The following DNMT3B variants were observed in gnomAD, a reference collection of about 807,000 sequenced individuals.
The protein encoded by DNMT3B is DNA (cytosine-5)-methyltransferase 3B.
DNMT3B carries 37 observed loss-of-function variants against 120.2 expected under a neutral mutation model. The ratio of observed to expected loss-of-function variants is 0.31; its 90% CI spans 0.24 to 0.40. The LOEUF is 0.40. Ranked by LOEUF, DNMT3B falls within the 10% of genes least tolerant of loss-of-function variation. The pLI is 1.00. For synonymous variants in DNMT3B, 412 were observed against 442.8 expected (o/e 0.93, Z 0.87); for missense variants, 878 against 1,137.3 (o/e 0.77, Z 3.28).
intron 1 of DNMT3B, chr20:32,779,967 GCAGACGGGCCGGGA>G: frequency 1.9e-6 from 2 of 1,035,290 alleles, no homozygotes; most frequent in Non-Finnish European, 2.9e-6. Flanking sequence ...GAGGCTGGCG[GCAGACGGGCCGGGA>G]CAGGCAGGTC....
At position 32,799,346 on chromosome 20, in the gene DNMT3B, C is replaced by T. The variant is rs1276752901; in HGVS notation, c.1759+18C>T. 2.5e-6 allele frequency: 4 copies of T among 1,607,848 alleles called. No homozygotes were observed. The highest frequency in any genetic ancestry group is 2.5e-6 in the Non-Finnish European group (3 of 1,177,308). ...CGCGACAGGTGAGTTCGGGGAACACCTGGAGACACTGCTATCGTGTCACAA... is the reference window on the plus strand; with the variant it reads ...CGCGACAGGTGAGTTCGGGGAACACTTGGAGACACTGCTATCGTGTCACAA... On this transcript the variant is annotated intron_variant, in intron 16 of 22. Transcript: ENST00000328111.
intron 1 of DNMT3B, among the ~76,000 whole-genome samples, chr20:32,770,997 G>A (rs1394274784): frequency 6.6e-6 from 1 of 151,936 alleles, no homozygotes; most frequent in Non-Finnish European, 1.5e-5. Context: ...CTCCTGCCTA[G>A]GCCTCCCACA....
rs1181649228 is a variant in DNMT3B at position 32,797,367 on chromosome 20, A to G, written c.1490+68A>G. 7 of 1,473,784 alleles carry G rather than the reference A, an allele frequency of 4.7e-6. No individual in the cohort carries two copies. In the Admixed American group the frequency reaches 1.0e-4, roughly 22 times the overall value. The allele number at this position is 1,473,784 out of a possible 1,614,324, so 91.3% of individuals were successfully genotyped here. ...AGGCTCCTACGTTCCTGCAGTCTGC[A>G]GACAGCTGTCTGTTGAATGGAATCC... On this transcript the variant is annotated intron_variant, in intron 14 of 22. Coordinates refer to ENST00000328111, the MANE Select transcript of DNMT3B (RefSeq NM_006892.4).
At chr20:32,773,942 T>TTTG (rs1987907536) in intron 1 of DNMT3B, among the ~76,000 whole-genome samples, 10 of 142,618 alleles carry the variant, frequency 7.0e-5, no homozygotes, top group Non-Finnish European at 1.1e-4. Context: ...TGGTTTTTTT[T>TTTG]TTTTTTTTTT....
chr20:32,791,342 C>T (rs1170254995), intron 7 of DNMT3B, among the ~76,000 whole-genome samples: 1 of 152,234 alleles, frequency 6.6e-6, no homozygotes, highest in Non-Finnish European at 1.5e-5. Flanking sequence ...TGCCTTCATT[C>T]AGAGTATCCT....
Position 32,797,258 on chromosome 20 carries a change from G to A in DNMT3B, c.1449G>A (p.Glu483=), listed in dbSNP as rs1339128064. The stretch of plus-strand genomic sequence containing the variant: ...AGTCTTACTGCACTGTGTGCTGCGA[G>A]GGCCGAGAGCTGCTGCTTTGCAGCA... ...GYQSYCTVCC[E]GRELLLCSNT... The change falls in exon 14 of 23, where the codon GAG becomes GAA. Residue 483 remains glutamate (E), a synonymous_variant. Transcript: ENST00000328111. The A allele has an allele frequency of 6.2e-7, 1 of 1,614,226 alleles. No homozygotes were observed. Among genetic ancestry groups the A allele is most frequent in the Non-Finnish European group, 8.5e-7 (1 of 1,180,054 alleles).
intron 1 of DNMT3B, among the ~76,000 whole-genome samples, chr20:32,767,423 G>A (rs905977379): frequency 2.3e-4 from 34 of 150,690 alleles, no homozygotes; most frequent in Middle Eastern, 3.4e-3. Flanking sequence ...GCTCTTGTGT[G>A]TGTTTTTTTT....
At chr20:32,805,968 A>C (rs1400207639) in intron 21 of DNMT3B, among the ~76,000 whole-genome samples, 4 of 152,030 alleles carry the variant, frequency 2.6e-5, no homozygotes, top group African/African-American at 9.7e-5. Context: ...ACGTCTTGGC[A>C]TTTGTGGGAA....
At chr20:32,768,644 A>G (rs1346306876) in intron 1 of DNMT3B, among the ~76,000 whole-genome samples, 1 of 151,996 alleles carries the variant, frequency 6.6e-6, no homozygotes, top group Non-Finnish European at 1.5e-5. Context: ...AATTACTATC[A>G]TGGTTCCTGA....
intron 6 of DNMT3B, among the ~76,000 whole-genome samples, chr20:32,788,406 G>A (rs955817404): frequency 2.2e-4 from 34 of 152,114 alleles, no homozygotes; most frequent in African/African-American, 6.0e-4. Context: ...ATTGCTGCAC[G>A]AAGACTCCTT....
chr20:32,796,575 C>A (rs1423285858), intron 12 of DNMT3B, among the ~76,000 whole-genome samples: 1 of 152,138 alleles, frequency 6.6e-6, no homozygotes, highest in African/African-American at 2.4e-5. Context: ...CTGGGGCAGC[C>A]CCTTGCCCAT....
At chr20:32,792,798 C>A (rs989315963) in intron 9 of DNMT3B, 28 bp downstream of exon 9, 1 of 1,613,462 alleles carries the variant, frequency 6.2e-7, no homozygotes, top group Admixed American at 1.7e-5. Context: ...TGGCAGCACC[C>A]GCTGCCTCTG....
At position 32,808,223 on chromosome 20, in the gene DNMT3B, C is replaced by T. The variant is rs537329540; in HGVS notation, c.*320C>T. 4.5e-5 allele frequency: 19 copies of T among 423,892 alleles called. No homozygotes were observed. Among genetic ancestry groups the T allele is most frequent in the Admixed American group, 1.1e-4 (3 of 26,148 alleles). The allele number at this position is 423,892 out of a possible 1,614,324, so 26.3% of individuals were successfully genotyped here. The stretch of plus-strand genomic sequence containing the variant: ...TTTTTCCCTTCCTGGGTCTACCACT[C>T]AGAGAAACAATGGCTAAGATACCAA... On this transcript the variant is annotated 3_prime_UTR_variant, in exon 23 of 23. Coordinates refer to ENST00000328111, the MANE Select transcript of DNMT3B (RefSeq NM_006892.4).
chr20:32,774,567 G>T (rs1987965467), intron 1 of DNMT3B, among the ~76,000 whole-genome samples: 1 of 146,134 alleles, frequency 6.8e-6, no homozygotes, highest in Non-Finnish European at 1.5e-5. Context: ...TGTTGCATGG[G>T]TTTATTACTT....
Position 32,787,364 on chromosome 20 carries a change from C to T in DNMT3B, c.567C>T (p.Ala189=), listed in dbSNP as rs755878479. 11 of 1,614,240 alleles carry T rather than the reference C, an allele frequency of 6.8e-6. No individual in the cohort carries two copies. The South Asian group carries it at 9.9e-5, about 14-fold the overall frequency. Residue 189 remains alanine, a synonymous_variant, in exon 6 of 23, where the codon GCC becomes GCT. Transcript: ENST00000328111. ...GTPQSSSTPY[A]RLAQDSQQGG... is the part of the protein sequence containing the mutation. ...CCCAGAGCAGCAGTACCCCCTACGC[C>T]CGCCTAGCCCAGGACAGCCAGCAGG...
chr20:32,778,977 T>TGGAC (rs909974421), intron 1 of DNMT3B, among the ~76,000 whole-genome samples: 4 of 150,462 alleles, frequency 2.7e-5, no homozygotes, highest in Admixed American at 6.6e-5. Flanking sequence ...GATGGATGGA[T>TGGAC]GGACAGATAG....
intron 1 of DNMT3B, among the ~76,000 whole-genome samples, chr20:32,779,566 G>C (rs1978339162): frequency 6.6e-6 from 1 of 152,216 alleles, no homozygotes; most frequent in Admixed American, 6.5e-5. Context: ...GGGCAGCAGT[G>C]GGGAGGCCAA....
chr20:32,801,722 C>T (rs1981366816), intron 19 of DNMT3B, among the ~76,000 whole-genome samples: 1 of 152,066 alleles, frequency 6.6e-6, no homozygotes, highest in Non-Finnish European at 1.5e-5. Flanking sequence ...ATGGCTGGGA[C>T]TACAGGGGCA....
At chr20:32,807,380 T>A (rs574965352) in intron 22 of DNMT3B, among the ~76,000 whole-genome samples, 2 of 152,346 alleles carry the variant, frequency 1.3e-5, no homozygotes, top group South Asian at 2.1e-4. Flanking sequence ...GAGCCTGTGA[T>A]GACTGAAAAT....
Sources: allele counts gnomAD v4.1 joint callset (sites outside exome capture counted in the v4.1 genomes callset), GRCh38; gene constraint gnomAD v4.1.1; transcripts MANE v1.5; gene names NCBI Gene and HGNC (gene_info 2026-07-23, HGNC 2026-07-21).